Variants in ZFYVE9 observed in about 807,000 individuals in gnomAD.
The protein encoded by ZFYVE9 is zinc finger FYVE-type containing 9, also known as zinc finger FYVE domain-containing protein 9.
In ZFYVE9, 43 loss-of-function variants were observed where a neutral mutation model predicts 126.7. That is an observed-to-expected ratio of 0.34 (90% CI 0.27 to 0.44). The LOEUF (loss-of-function observed/expected upper bound fraction) is 0.44. Among genes scored for constraint, ZFYVE9 ranks in the 20% least tolerant of loss-of-function variants. ZFYVE9 has a pLI of 1.00. For missense variants in ZFYVE9, 1,476 were observed against 1,697.0 expected, an observed-to-expected ratio of 0.87 and a Z score of 2.29; for synonymous variants, 521 against 597.4, an observed-to-expected ratio of 0.87 and a Z score of 1.87.
At chr1:52,167,135 T>C (rs1234077742) in intron 1 of ZFYVE9, among the ~76,000 whole-genome samples, 1 of 152,178 alleles carries the variant, frequency 6.6e-6, no homozygotes, top group Non-Finnish European at 1.5e-5. Flanking sequence ...AACTCTGCCA[T>C]TGTCAGGATT....
intron 13 of ZFYVE9, among the ~76,000 whole-genome samples, chr1:52,322,458 A>G (rs764369831): frequency 1.3e-5 from 2 of 149,750 alleles, no homozygotes; most frequent in Non-Finnish European, 3.0e-5. Flanking sequence ...GCTCACTGCA[A>G]CTTCCGCCTC....
At chr1:52,315,968 C>T (rs1646179618) in intron 13 of ZFYVE9, among the ~76,000 whole-genome samples, 1 of 151,918 alleles carries the variant, frequency 6.6e-6, no homozygotes, top group South Asian at 2.1e-4. Context: ...GAGTTCGAGA[C>T]CAGCCTGGCC....
intron 2 of ZFYVE9, among the ~76,000 whole-genome samples, chr1:52,220,106 A>G (rs1461333156): frequency 6.6e-6 from 1 of 152,076 alleles, no homozygotes; most frequent in Non-Finnish European, 1.5e-5. Context: ...GGCAGTTTGG[A>G]TTCTTAGTAA....
chr1:52,254,240 G>GT (rs1401996733), intron 4 of ZFYVE9: 8 of 310,628 alleles, frequency 2.6e-5, no homozygotes, highest in Non-Finnish European at 4.8e-5. Flanking sequence ...TCTTTAAATA[G>GT]TATATCAGTT....
chr1:52,154,096 C>G (rs1644380647), intron 1 of ZFYVE9, among the ~76,000 whole-genome samples: 1 of 152,230 alleles, frequency 6.6e-6, no homozygotes, highest in South Asian at 2.1e-4. Flanking sequence ...ACAAATCTTT[C>G]ACTGTGAAGT....
intron 13 of ZFYVE9, 122 bp from the exon 14 acceptor site, chr1:52,332,646 C>A: frequency 8.9e-7 from 1 of 1,129,844 alleles, no homozygotes; most frequent in Non-Finnish European, 1.2e-6. Context: ...TATTTGGTGG[C>A]CCTTTTTGTC....
In ZFYVE9 at chr1:52,271,258, T is replaced by C. The variant is rs556226256; in HGVS notation, c.2625+2626T>C. 2.6e-5 allele frequency among the ~76,000 whole-genome samples: 4 copies of C among 152,294 alleles called. No individual in the cohort carries two copies. In the East Asian group the frequency reaches 7.7e-4, roughly 29 times the overall value. On this transcript the variant is annotated intron_variant, in intron 7 of 18. Transcript: ENST00000287727. ...TCATTATAAGACAGGCTAAGCCACATTATTTTGTGCTCTCACATTGTGCAA... is the reference window on the plus strand; with the variant it reads ...TCATTATAAGACAGGCTAAGCCACACTATTTTGTGCTCTCACATTGTGCAA...
At chr1:52,273,845 T>C (rs914375006) in intron 7 of ZFYVE9, among the ~76,000 whole-genome samples, 1 of 151,062 alleles carries the variant, frequency 6.6e-6, no homozygotes, top group African/African-American at 2.4e-5. Flanking sequence ...AAAATGAACT[T>C]CAAGATTTAT....
chr1:52,342,279 T>TC (rs1646444162), intron 17 of ZFYVE9, among the ~76,000 whole-genome samples: 1 of 150,840 alleles, frequency 6.6e-6, no homozygotes, highest in Non-Finnish European at 1.5e-5. Flanking sequence ...TTTTTTTTTT[T>TC]TTTTGAGACA....
chr1:52,325,171 C>T (rs1004987536), intron 13 of ZFYVE9, among the ~76,000 whole-genome samples: 2 of 151,488 alleles, frequency 1.3e-5, no homozygotes, highest in Non-Finnish European at 2.9e-5. Flanking sequence ...CCCAGCTACT[C>T]GGGAGGCTGA....
intron 12 of ZFYVE9, 33 bp downstream of exon 12, chr1:52,296,010 C>T: frequency 6.3e-7 from 1 of 1,587,706 alleles, no homozygotes; most frequent in Non-Finnish European, 8.6e-7. Flanking sequence ...TTTGTCCTTA[C>T]TGGAGTTTAT....
intron 4 of ZFYVE9, among the ~76,000 whole-genome samples, chr1:52,241,176 C>T (rs1341217214): frequency 6.6e-6 from 1 of 151,820 alleles, no homozygotes; most frequent in Non-Finnish European, 1.5e-5. Context: ...TGTTGTATAC[C>T]TTAAATGTAT....
chr1:52,345,578 T>G (rs1334324172), intron 18 of ZFYVE9: 1 of 154,024 alleles, frequency 6.5e-6, no homozygotes, highest in Non-Finnish European at 1.4e-5. Context: ...ACAAGCATTT[T>G]TCTGCTAAAT....
intron 10 of ZFYVE9, among the ~76,000 whole-genome samples, chr1:52,290,510 G>C (rs996412748): frequency 6.6e-6 from 1 of 152,094 alleles, no homozygotes; most frequent in African/African-American, 2.4e-5. Flanking sequence ...ACCAAAGCTA[G>C]ATAAAGAGAT....
At chr1:52,236,173 C>T (rs1283875994) in intron 3 of ZFYVE9, among the ~76,000 whole-genome samples, 1 of 152,108 alleles carries the variant, frequency 6.6e-6, no homozygotes, top group Non-Finnish European at 1.5e-5. Flanking sequence ...GAGGCAAGAG[C>T]TATCATTTAA....
chr1:52,253,864 G>C, intron 4 of ZFYVE9: 1 of 1,275,982 alleles, frequency 7.8e-7, no homozygotes, highest in Non-Finnish European at 1.1e-6. Context: ...TATTTATGCA[G>C]ACTACAAATC....
At chr1:52,334,075 A>G (rs1646368380) in intron 14 of ZFYVE9, among the ~76,000 whole-genome samples, 1 of 151,710 alleles carries the variant, frequency 6.6e-6, no homozygotes, top group Non-Finnish European at 1.5e-5. Context: ...CCTGGGTGAC[A>G]GAGCGAGACT....
Position 52,278,628 on chromosome 1 carries a change from T to A in ZFYVE9, c.2869+14T>A. On this transcript the variant is annotated intron_variant, in intron 9 of 18. Coordinates refer to ENST00000287727, the MANE Select transcript of ZFYVE9 (RefSeq NM_004799.4). ...AAATTGTAAATTGTAAGTTATAAAT[T>A]TTTAAAAATTAAAATCAGATGTTTT... 6.7e-7 allele frequency: 1 copy of A among 1,495,250 alleles called. No homozygotes were observed. The highest frequency in any genetic ancestry group is 9.1e-7 in the Non-Finnish European group (1 of 1,100,044). The allele number at this position is 1,495,250 out of a possible 1,614,324, so 92.6% of individuals were successfully genotyped here.
chr1:52,168,463 T>A (rs1022908181), intron 1 of ZFYVE9, among the ~76,000 whole-genome samples: 25 of 151,850 alleles, frequency 1.6e-4, no homozygotes, highest in Non-Finnish European at 3.2e-4. Context: ...GTGATCTGCC[T>A]GCCTTGGCCT....
Sources: gnomAD v4.1 joint callset for allele counts (sites outside exome capture counted in the v4.1 genomes callset) on GRCh38, gnomAD v4.1.1 for gene constraint, MANE v1.5 for transcripts, NCBI Gene and HGNC (gene_info 2026-07-23, HGNC 2026-07-21) for gene names.